GK: variants seen among roughly 807,000 people sequenced by gnomAD.
GK encodes the protein glycerol kinase, also known as ATP:glycerol 3-phosphotransferase.
GK carries 9 observed loss-of-function variants against 56.4 expected under a neutral mutation model. The ratio of observed to expected loss-of-function variants is 0.16; its 90% confidence interval spans 0.10 to 0.28. GK has a LOEUF of 0.28. GK is among the 10% of genes least tolerant of loss of function. The probability of loss-of-function intolerance (pLI) is 1.00; values close to 1 mark genes in which losing one functional copy is unlikely to be tolerated. For synonymous variants in GK, 104 were observed against 144.1 expected (o/e 0.72, Z 1.99); for missense variants, 161 against 431.4 (o/e 0.37, Z 5.55).
At chrX:30,663,558 T>C (rs1288693324) in intron 1 of GK, among the ~76,000 whole-genome samples, 5 of 111,405 alleles carry the variant, frequency 4.5e-5, no homozygotes, top group Non-Finnish European at 9.4e-5. Flanking sequence ...GTGTATGATG[T>C]ATCAAGTTAA....
chrX:30,688,522 A>C (rs1193115715), intron 4 of GK, among the ~76,000 whole-genome samples: 1 of 106,043 alleles, frequency 9.4e-6, no homozygotes, highest in Admixed American at 1.0e-4. Flanking sequence ...AAAAAAAAAA[A>C]GGGAGAGAGA....
intron 1 of GK, among the ~76,000 whole-genome samples, chrX:30,663,553 T>C (rs1026008830): frequency 9.0e-6 from 1 of 111,298 alleles, no homozygotes; most frequent in Non-Finnish European, 1.9e-5. Flanking sequence ...ACATGGTGTA[T>C]GATGTATCAA....
In GK at chrX:30,684,234, C is replaced by G. The variant is rs1005747868; in HGVS notation, c.337+6782C>G. Reference sequence around the variant, plus strand: ...AAATGTTCTGTCCAAACTAGAATGGCCTAGCTGTATTTCCCCCTAATTGGC... The same window carrying G: ...AAATGTTCTGTCCAAACTAGAATGGGCTAGCTGTATTTCCCCCTAATTGGC... On this transcript the variant is annotated intron_variant, in intron 4 of 20. Coordinates refer to ENST00000427190, the MANE Select transcript of GK (RefSeq NM_001205019.2). 2.7e-5 allele frequency among the ~76,000 whole-genome samples: 3 copies of G among 112,152 alleles called. No homozygotes were observed. The East Asian group carries it at 8.3e-4, about 31-fold the overall frequency.
intron 10 of GK, 69 bp downstream of exon 10, chrX:30,700,518 T>A: frequency 1.1e-6 from 1 of 878,371 alleles, no homozygotes; most frequent in African/African-American, 1.9e-5. Context: ...TCCTCTTAGT[T>A]CATCAGTGTG....
intron 4 of GK, among the ~76,000 whole-genome samples, chrX:30,687,887 G>A (rs1257543095): frequency 2.7e-5 from 3 of 111,806 alleles, no homozygotes; most frequent in Non-Finnish European, 3.8e-5. Flanking sequence ...TGAATTGCTT[G>A]GTAGTGTACC....
intron 18 of GK, among the ~76,000 whole-genome samples, chrX:30,722,360 A>G (rs1417572073): frequency 1.8e-5 from 2 of 112,636 alleles, no homozygotes; most frequent in Non-Finnish European, 3.7e-5. Flanking sequence ...TTTCAAAAAA[A>G]ATCAACTTTA....
At position 30,691,216 on chromosome X, in the gene GK, AAGTATACTAT is replaced by A. The variant is rs1934909856; in HGVS notation, c.414+19_414+28del. On this transcript the variant is annotated intron_variant, in intron 5 of 20. Coordinates refer to ENST00000427190, the MANE Select transcript of GK (RefSeq NM_001205019.2). ...TTTGTCAAGGTAAGAATTTCTTCAG[AAGTATACTAT>A]AAGAATGTTTCTTTTTTTAAAAAAA... 1 of 897,929 alleles carries A rather than the reference AAGTATACTAT, an allele frequency of 1.1e-6. No homozygotes were observed. The highest frequency in any genetic ancestry group is 2.3e-5 in the Admixed American group (1 of 44,087). 74.0% of individuals were successfully genotyped at this position (897,929 alleles called of 1,213,427 possible). A position where few individuals can be genotyped will look rare whatever the true frequency, so the allele number is the denominator to read the frequency against.
intron 19 of GK, among the ~76,000 whole-genome samples, chrX:30,726,401 C>T (rs1937133662): frequency 9.2e-6 from 1 of 108,945 alleles, no homozygotes; most frequent in African/African-American, 3.4e-5. Flanking sequence ...AATTCTCCTG[C>T]CTCAGCCTCC....
At chrX:30,696,942 T>G in intron 8 of GK, 1 of 354,928 alleles carries the variant, frequency 2.8e-6, no homozygotes, top group Non-Finnish European at 5.0e-6. Context: ...GATGTTGGCA[T>G]GAGCCAATTT....
chrX:30,688,911 G>A (rs777595454), intron 4 of GK, among the ~76,000 whole-genome samples: 1 of 112,139 alleles, frequency 8.9e-6, no homozygotes, highest in East Asian at 2.8e-4. Context: ...AAAAAGCCTG[G>A]GGCAGTGGCT....
At chrX:30,690,819 T>C (rs1319945063) in intron 4 of GK, among the ~76,000 whole-genome samples, 2 of 111,931 alleles carry the variant, frequency 1.8e-5, no homozygotes, top group Non-Finnish European at 1.9e-5. Context: ...AGAAAATCTA[T>C]ATTCCAAATA....
At chrX:30,659,806 T>C (rs1227761199) in intron 1 of GK, among the ~76,000 whole-genome samples, 2 of 112,391 alleles carry the variant, frequency 1.8e-5, no homozygotes, top group Middle Eastern at 4.2e-3. Context: ...TGGAGTGCAG[T>C]GGTGTGATCT....
chrX:30,693,558 A>AT (rs1202823132), intron 5 of GK, among the ~76,000 whole-genome samples: 3 of 106,638 alleles, frequency 2.8e-5, no homozygotes, highest in Admixed American at 1.0e-4. Context: ...TTTATTTTTT[A>AT]TTTTTTTTGA....
intron 4 of GK, among the ~76,000 whole-genome samples, chrX:30,682,068 A>G (rs1934306773): frequency 1.8e-5 from 2 of 111,748 alleles, no homozygotes; most frequent in Middle Eastern, 4.6e-3. Flanking sequence ...GAGGGAGAAA[A>G]TAAAGCAGGC....
chrX:30,655,764 T>C (rs1002614810), intron 1 of GK, among the ~76,000 whole-genome samples: 7 of 112,048 alleles, frequency 6.2e-5, no homozygotes, highest in African/African-American at 1.9e-4. Flanking sequence ...AGGTTGTTCT[T>C]GGTCCCTCAG....
At position 30,724,190 on chromosome X, in the gene GK, GTTT is replaced by G. The variant is rs1937037912; in HGVS notation, c.1582+12_1582+14del. 6.5e-6 allele frequency: 7 copies of G among 1,074,104 alleles called. No individual in the cohort carries two copies. The highest frequency in any genetic ancestry group is 9.1e-6 in the Non-Finnish European group (7 of 773,071). 88.5% of individuals were successfully genotyped at this position (1,074,104 alleles called of 1,213,427 possible). A position where few individuals can be genotyped will look rare whatever the true frequency, so the allele number is the denominator to read the frequency against. ...TCAATCTCCAGAAAGTGGTAAAAAT[GTTT>G]TTGTTTATTATTGTCACATTTTCTT... On this transcript the variant is annotated intron_variant, in intron 19 of 20. Coordinates refer to ENST00000427190, the MANE Select transcript of GK (RefSeq NM_001205019.2).
chrX:30,690,444 A>G (rs959443244), intron 4 of GK, among the ~76,000 whole-genome samples: 22 of 111,915 alleles, frequency 2.0e-4, no homozygotes, highest in Admixed American at 9.5e-5. Context: ...AATCGTTTCC[A>G]CCAGGGGGTT....
chrX:30,682,579 A>T (rs1020814771), intron 4 of GK, among the ~76,000 whole-genome samples: 4 of 112,442 alleles, frequency 3.6e-5, no homozygotes, highest in African/African-American at 6.5e-5. Flanking sequence ...TGAAAATATC[A>T]ACATAATATT....
chrX:30,706,997 C>A (rs1410958244), intron 11 of GK, among the ~76,000 whole-genome samples: 1 of 111,958 alleles, frequency 8.9e-6, no homozygotes, highest in Admixed American at 9.5e-5. Flanking sequence ...TGGCCTAGGA[C>A]TGACTAAACA....
Sources: gnomAD v4.1 joint callset for allele counts (sites outside exome capture counted in the v4.1 genomes callset) on GRCh38, gnomAD v4.1.1 for gene constraint, MANE v1.5 for transcripts, NCBI Gene and HGNC (gene_info 2026-07-23, HGNC 2026-07-21) for gene names.